The following EBF2 variants were observed in gnomAD, a reference collection of about 807,000 sequenced individuals.
The protein encoded by EBF2 is EBF transcription factor 2.
Under a neutral mutation model 72.8 loss-of-function variants are expected in EBF2, and 21 were observed. That is an observed-to-expected ratio of 0.29 (90% CI 0.20 to 0.42). The LOEUF (loss-of-function observed/expected upper bound fraction) is 0.42, where lower values mean the gene tolerates loss of function less well. EBF2 is among the 10% of genes least tolerant of loss of function. The pLI is 1.00. For missense variants in EBF2, 637 were observed against 731.2 expected (o/e 0.87, Z 1.49); for synonymous variants, 299 against 274.2 (o/e 1.09, Z -0.89).
intron 6 of EBF2, among the ~76,000 whole-genome samples, chr8:25,999,902 G>C (rs893249842): frequency 1.3e-5 from 2 of 152,040 alleles, no homozygotes; most frequent in Non-Finnish European, 2.9e-5. Flanking sequence ...CTTGGACCAA[G>C]ACATCAAAAG....
At chr8:25,887,095 C>T (rs914074208) in intron 9 of EBF2, among the ~76,000 whole-genome samples, 1 of 147,434 alleles carries the variant, frequency 6.8e-6, no homozygotes, top group Admixed American at 7.1e-5. Flanking sequence ...CTGTCTGTCC[C>T]TCTCTCTGTG....
intron 6 of EBF2, among the ~76,000 whole-genome samples, chr8:25,908,845 T>C (rs1803082079): frequency 1.3e-5 from 2 of 152,084 alleles, no homozygotes; most frequent in Admixed American, 1.3e-4. Context: ...GCACTCGTTC[T>C]GGAAAATTTT....
chr8:25,973,756 G>A (rs1017441884), intron 6 of EBF2, among the ~76,000 whole-genome samples: 13 of 152,180 alleles, frequency 8.5e-5, no homozygotes, highest in African/African-American at 2.6e-4. Context: ...GCCCACTGCA[G>A]CCTCCACCTC....
intron 6 of EBF2, among the ~76,000 whole-genome samples, chr8:25,909,533 A>T (rs929283973): frequency 6.6e-6 from 1 of 152,170 alleles, no homozygotes; most frequent in African/African-American, 2.4e-5. Context: ...TCTCACATCC[A>T]TGTCTTGAAT....
intron 10 of EBF2, among the ~76,000 whole-genome samples, chr8:25,871,678 G>C (rs1002933808): frequency 6.6e-6 from 1 of 152,152 alleles, no homozygotes; most frequent in South Asian, 2.1e-4. Flanking sequence ...ATTCGGGTTT[G>C]CTTAAGGAGT....
intron 6 of EBF2, among the ~76,000 whole-genome samples, chr8:25,958,242 G>GC (rs1242018421): frequency 6.6e-6 from 1 of 152,214 alleles, no homozygotes; most frequent in African/African-American, 2.4e-5. Context: ...AGTCTGCTCA[G>GC]AGCAGGAAAA....
chr8:26,005,478 T>TATATTATATA (rs370941697), intron 6 of EBF2, among the ~76,000 whole-genome samples: 1 of 6,618 alleles, frequency 1.5e-4, no homozygotes, highest in Non-Finnish European at 2.2e-4. Flanking sequence ...TATAATATTA[T>TATATTATATA]TTATAAAATA....
At chr8:25,993,251 C>T (rs1214636555) in intron 6 of EBF2, among the ~76,000 whole-genome samples, 1 of 152,188 alleles carries the variant, frequency 6.6e-6, no homozygotes, top group Non-Finnish European at 1.5e-5. Context: ...GCAAATGAGA[C>T]ATCACTGAAT....
intron 6 of EBF2, among the ~76,000 whole-genome samples, chr8:25,961,051 G>A (rs1168187847): frequency 6.6e-6 from 1 of 152,150 alleles, no homozygotes; most frequent in African/African-American, 2.4e-5. Flanking sequence ...TTCATTATAT[G>A]TATGGCACAT....
At chr8:25,963,525 G>A (rs1399831377) in intron 6 of EBF2, among the ~76,000 whole-genome samples, 1 of 152,140 alleles carries the variant, frequency 6.6e-6, no homozygotes. Flanking sequence ...CTCTTACGGG[G>A]TGTGATAGAG....
At chr8:26,013,783 A>G (rs1355194344) in intron 6 of EBF2, among the ~76,000 whole-genome samples, 1 of 152,184 alleles carries the variant, frequency 6.6e-6, no homozygotes, top group Admixed American at 6.5e-5. Context: ...ATATGAAATC[A>G]GACAGTGTAA....
Position 26,001,828 on chromosome 8 carries a change from T to C in EBF2, c.551+31257A>G, listed in dbSNP as rs563400699. Among the ~76,000 whole-genome samples, 17 of 152,162 alleles carry C rather than the reference T, an allele frequency of 1.1e-4. No individual in the cohort carries two copies. In the South Asian group the frequency reaches 1.5e-3, roughly 13 times the overall value. ...CCTCCCAAAGTGCTAGGATTACAGG[T>C]GTGAGCCACCACACCCAGCCCTGCA... On this transcript the variant is annotated intron_variant, in intron 6 of 15. Transcript: ENST00000520164.
intron 6 of EBF2, among the ~76,000 whole-genome samples, chr8:25,942,595 C>T (rs1318259052): frequency 6.6e-6 from 1 of 152,186 alleles, no homozygotes; most frequent in Admixed American, 6.5e-5. Context: ...CCTCCTCAGG[C>T]GGCTTTAGAG....
At chr8:26,043,782 T>C (rs1453826199) in intron 1 of EBF2, among the ~76,000 whole-genome samples, 1 of 152,030 alleles carries the variant, frequency 6.6e-6, no homozygotes, top group Non-Finnish European at 1.5e-5. Flanking sequence ...GTGGAAGAAG[T>C]TCATCGGCTC....
intron 10 of EBF2, among the ~76,000 whole-genome samples, chr8:25,864,273 T>G (rs1461646685): frequency 6.6e-6 from 1 of 152,208 alleles, no homozygotes. Context: ...ATTTTTTTAC[T>G]CACCAGTGAG....
intron 6 of EBF2, among the ~76,000 whole-genome samples, chr8:25,919,431 C>A (rs1023797718): frequency 1.3e-5 from 2 of 152,100 alleles, no homozygotes; most frequent in African/African-American, 4.8e-5. Context: ...CCTGGCCCTT[C>A]CACTCAGCAA....
Position 25,989,901 on chromosome 8 carries a change from CT to C in EBF2, c.551+43183del, listed in dbSNP as rs574523234. 9.1e-4 allele frequency among the ~76,000 whole-genome samples: 138 copies of C among 152,292 alleles called. 1 individual carries two copies. Among genetic ancestry groups the C allele is most frequent in the African/African-American group, 3.2e-3 (131 of 41,552 alleles). Reference sequence around the variant, plus strand: ...TACACTGAGAGCTAATGGCTTTCCTCTCTACCAGTTCACTTGGCCTAGGGGT... The same window carrying C: ...TACACTGAGAGCTAATGGCTTTCCTCCTACCAGTTCACTTGGCCTAGGGGT... On this transcript the variant is annotated intron_variant, in intron 6 of 15. Coordinates refer to ENST00000520164, the MANE Select transcript of EBF2 (RefSeq NM_022659.4).
chr8:25,872,275 C>A (rs1802451737), intron 10 of EBF2, among the ~76,000 whole-genome samples: 1 of 152,008 alleles, frequency 6.6e-6, no homozygotes, highest in African/African-American at 2.4e-5. Context: ...GGCCTGGTTG[C>A]TTTTTTTAAA....
intron 6 of EBF2, among the ~76,000 whole-genome samples, chr8:25,930,699 A>G (rs895874656): frequency 9.2e-5 from 14 of 152,176 alleles, no homozygotes; most frequent in African/African-American, 3.1e-4. Context: ...TTGCTCAATG[A>G]CTAGCTTTGG....
Sources: gnomAD v4.1 joint callset for allele counts (sites outside exome capture counted in the v4.1 genomes callset) on GRCh38, gnomAD v4.1.1 for gene constraint, MANE v1.5 for transcripts, NCBI Gene and HGNC (gene_info 2026-07-23, HGNC 2026-07-21) for gene names.